OXR1: variants seen among roughly 807,000 people sequenced by gnomAD.
OXR1 encodes oxidation resistance 1.
Under a neutral mutation model 104.6 loss-of-function variants are expected in OXR1, and 41 were observed. The observed-to-expected ratio is 0.39, with a 90% confidence interval of 0.31 to 0.51. The LOEUF (loss-of-function observed/expected upper bound fraction) is 0.51, where lower values mean the gene tolerates loss of function less well. Among genes scored for constraint, OXR1 ranks in the 20% least tolerant of loss-of-function variants. The pLI is 0.77. For missense variants in OXR1, 955 were observed against 1,031.9 expected, an observed-to-expected ratio of 0.93 and a Z score of 1.02; for synonymous variants, 348 against 348.4, an observed-to-expected ratio of 1.00 and a Z score of 0.01.
At chr8:106,691,520 A>T (rs773142761) in intron 6 of OXR1, among the ~76,000 whole-genome samples, 38 of 151,590 alleles carry the variant, frequency 2.5e-4, no homozygotes, top group Admixed American at 5.3e-4. Flanking sequence ...TGCTATAGAT[A>T]CTGAGTTCAG....
intron 4 of OXR1, among the ~76,000 whole-genome samples, chr8:106,680,619 C>T (rs1828055517): frequency 6.6e-6 from 1 of 152,058 alleles, no homozygotes; most frequent in Non-Finnish European, 1.5e-5. Context: ...GGGTGTTTGC[C>T]TCTTCTTAAT....
chr8:106,553,573 G>T (rs1251856153), intron 3 of OXR1, among the ~76,000 whole-genome samples: 2 of 152,034 alleles, frequency 1.3e-5, no homozygotes, highest in African/African-American at 4.8e-5. Flanking sequence ...ACCTGCCTCG[G>T]TCTCCAAAAG....
At chr8:106,502,240 T>A (rs1290270428) in intron 2 of OXR1, among the ~76,000 whole-genome samples, 1 of 152,176 alleles carries the variant, frequency 6.6e-6, no homozygotes, top group African/African-American at 2.4e-5. Context: ...TTGTCTTGAA[T>A]TCCTAATAAT....
rs1393545322 is a variant in OXR1, at chr8:106,653,079, A to ATATAT, written c.221-26131_221-26130insTATAT. Among the ~76,000 whole-genome samples the ATATAT allele has an allele frequency of 9.5e-3, 1,023 of 107,874 alleles. 11 individuals carry two copies. In the East Asian group the frequency reaches 0.12, roughly 12 times the overall value. 70.8% of individuals were successfully genotyped at this position (107,874 alleles called of 152,430 possible). Reference sequence around the variant, plus strand: ...TGACACAAGGAGAAATAGAAAAAAAAAAAAATATATATATATATATGGTAA... The same window carrying ATATAT: ...TGACACAAGGAGAAATAGAAAAAAAATATATAAAAATATATATATATATATGGTAA... On this transcript the variant is annotated intron_variant, in intron 3 of 16. Coordinates refer to ENST00000517566, the MANE Select transcript of OXR1 (RefSeq NM_001198533.2).
chr8:106,535,077 C>T (rs1814387940), intron 3 of OXR1, among the ~76,000 whole-genome samples: 1 of 152,204 alleles, frequency 6.6e-6, no homozygotes, highest in Non-Finnish European at 1.5e-5. Context: ...ATTCTCCTGC[C>T]TCAGCCCCCC....
intron 11 of OXR1, chr8:106,726,193 G>A (rs1176280397): frequency 1.3e-6 from 2 of 1,497,260 alleles, no homozygotes; most frequent in East Asian, 5.0e-5. Flanking sequence ...GAATGCTTTT[G>A]AAAACAGTTC....
At chr8:106,694,595 GATATATAAATAT>G (rs1428802039) in intron 7 of OXR1, among the ~76,000 whole-genome samples, 1 of 63,482 alleles carries the variant, frequency 1.6e-5, no homozygotes, top group African/African-American at 7.9e-5. Context: ...ATATATATTT[GATATATAAATAT>G]ATGTTTATAT....
chr8:106,499,588 C>A (rs1015972500), intron 2 of OXR1, among the ~76,000 whole-genome samples: 1 of 152,040 alleles, frequency 6.6e-6, no homozygotes, highest in African/African-American at 2.4e-5. Flanking sequence ...CACAACAGAC[C>A]CACCACCACC....
intron 9 of OXR1, among the ~76,000 whole-genome samples, chr8:106,708,769 G>GT (rs755146238): frequency 3.3e-4 from 50 of 151,886 alleles, no homozygotes; most frequent in Non-Finnish European, 4.6e-4. Flanking sequence ...CCTCCTTTGA[G>GT]TTTTTTTTGG....
chr8:106,649,559 A>G (rs1277282106), intron 3 of OXR1, among the ~76,000 whole-genome samples: 29 of 151,210 alleles, frequency 1.9e-4, no homozygotes, highest in Non-Finnish European at 7.4e-5. Context: ...TTTTTTGGAA[A>G]AAAAAAAAAA....
chr8:106,573,533 T>C (rs1817626078), intron 3 of OXR1, among the ~76,000 whole-genome samples: 1 of 152,188 alleles, frequency 6.6e-6, no homozygotes, highest in Non-Finnish European at 1.5e-5. Context: ...TGTATACATA[T>C]TTGTTTTAAT....
intron 3 of OXR1, among the ~76,000 whole-genome samples, chr8:106,665,355 G>C (rs1826179212): frequency 6.6e-6 from 1 of 152,186 alleles, no homozygotes; most frequent in African/African-American, 2.4e-5. Flanking sequence ...ACTCCACACA[G>C]ACAGTGGCCT....
chr8:106,447,660 T>G (rs557015941), intron 2 of OXR1, among the ~76,000 whole-genome samples: 20 of 152,228 alleles, frequency 1.3e-4, no homozygotes, highest in Non-Finnish European at 2.5e-4. Flanking sequence ...AAAAGTCTGA[T>G]AATGGGCACT....
intron 3 of OXR1, among the ~76,000 whole-genome samples, chr8:106,569,425 G>A (rs141791097): frequency 2.3e-4 from 35 of 152,230 alleles, no homozygotes; most frequent in Non-Finnish European, 4.4e-5. Flanking sequence ...GCAATTGCAC[G>A]TATAGGTATT....
chr8:106,365,587 A>G (rs956184127), intron 2 of OXR1, among the ~76,000 whole-genome samples: 1 of 152,206 alleles, frequency 6.6e-6, no homozygotes, highest in African/African-American at 2.4e-5. Context: ...TTCTATTCAA[A>G]CTATGCCTTT....
chr8:106,594,680 G>A (rs1489761428), intron 3 of OXR1, among the ~76,000 whole-genome samples: 1 of 152,216 alleles, frequency 6.6e-6, no homozygotes, highest in Non-Finnish European at 1.5e-5. Flanking sequence ...GCAAGACTGT[G>A]AGGCATGGAA....
chr8:106,470,967 G>T (rs1821459855), intron 2 of OXR1, among the ~76,000 whole-genome samples: 1 of 151,734 alleles, frequency 6.6e-6, no homozygotes, highest in Non-Finnish European at 1.5e-5. Flanking sequence ...AGTTTTGGTG[G>T]TATGGTAAAG....
At chr8:106,414,824 A>T (rs1818605493) in intron 2 of OXR1, among the ~76,000 whole-genome samples, 1 of 152,154 alleles carries the variant, frequency 6.6e-6, no homozygotes, top group African/African-American at 2.4e-5. Flanking sequence ...AAATGCCAAG[A>T]TAAGGAGTAT....
intron 1 of OXR1, among the ~76,000 whole-genome samples, chr8:106,335,335 C>T (rs776219738): frequency 1.3e-5 from 2 of 152,136 alleles, no homozygotes; most frequent in African/African-American, 2.4e-5. Flanking sequence ...GGGTCTGCCA[C>T]TCACCTTGCC....
Sources: allele counts gnomAD v4.1 joint callset (sites outside exome capture counted in the v4.1 genomes callset), GRCh38; gene constraint gnomAD v4.1.1; transcripts MANE v1.5; gene names NCBI Gene and HGNC (gene_info 2026-07-23, HGNC 2026-07-21).